KSR2: variants seen among roughly 807,000 people sequenced by gnomAD.
The protein encoded by KSR2 is kinase suppressor of ras 2.
A neutral mutation model predicts 107.8 loss-of-function variants in KSR2; 25 were observed. The ratio of observed to expected loss-of-function variants is 0.23; its 90% CI spans 0.17 to 0.32. The LOEUF (loss-of-function observed/expected upper bound fraction) is 0.32, where lower values mean the gene tolerates loss of function less well. KSR2 is among the 10% of genes least tolerant of loss of function. The pLI is 1.00. For missense variants in KSR2, 887 were observed against 1,268.9 expected, an observed-to-expected ratio of 0.70 and a Z score of 4.57; for synonymous variants, 480 against 507.0, an observed-to-expected ratio of 0.95 and a Z score of 0.71.
intron 1 of KSR2, among the ~76,000 whole-genome samples, chr12:117,932,750 C>T (rs573563281): frequency 2.6e-5 from 4 of 151,864 alleles, no homozygotes; most frequent in South Asian, 4.2e-4. Flanking sequence ...CAGTGGCTCA[C>T]GCCCATAATC....
chr12:117,528,980 T>C (rs1161038053), intron 12 of KSR2, among the ~76,000 whole-genome samples: 2 of 152,206 alleles, frequency 1.3e-5, no homozygotes, highest in East Asian at 1.9e-4. Context: ...AGCAGAGAAA[T>C]GATCTCGAGC....
intron 14 of KSR2, among the ~76,000 whole-genome samples, chr12:117,503,767 G>T (rs892286708): frequency 1.3e-5 from 2 of 152,180 alleles, no homozygotes; most frequent in African/African-American, 4.8e-5. Flanking sequence ...TGACAATTAT[G>T]GTTGATTGAT....
intron 5 of KSR2, among the ~76,000 whole-genome samples, chr12:117,597,696 G>C (rs1055918195): frequency 2.6e-5 from 4 of 152,194 alleles, no homozygotes; most frequent in Non-Finnish European, 5.9e-5. Context: ...CTGATTTTAT[G>C]ATAATTTGTG....
chr12:117,645,489 G>C (rs1883574369), intron 5 of KSR2, among the ~76,000 whole-genome samples: 1 of 152,214 alleles, frequency 6.6e-6, no homozygotes, highest in Admixed American at 6.5e-5. Flanking sequence ...AGGGAAAGAA[G>C]TTAGCTAAGT....
At chr12:117,537,340 T>G (rs2137275790) in intron 10 of KSR2, among the ~76,000 whole-genome samples, 1 of 152,344 alleles carries the variant, frequency 6.6e-6, no homozygotes, top group African/African-American at 2.4e-5. Flanking sequence ...CAATTCTGTC[T>G]AGGTCCTCAT....
intron 1 of KSR2, among the ~76,000 whole-genome samples, chr12:117,881,837 T>G (rs144487252): frequency 6.6e-6 from 1 of 152,284 alleles, no homozygotes; most frequent in Non-Finnish European, 1.5e-5. Flanking sequence ...CAGGGTCTGT[T>G]AGTGACTCAA....
At chr12:117,916,031 C>T (rs1895160359) in intron 1 of KSR2, among the ~76,000 whole-genome samples, 1 of 151,930 alleles carries the variant, frequency 6.6e-6, no homozygotes, top group African/African-American at 2.4e-5. Context: ...CATTCATGCT[C>T]CTCAAACTAG....
chr12:117,464,490 T>G lies in KSR2; in HGVS notation c.*2709A>C, dbSNP rs2137101625. 1.3e-5 allele frequency: 2 copies of G among 152,306 alleles called. No individual in the cohort carries two copies. The highest frequency in any genetic ancestry group is 4.1e-4 in the South Asian group (2 of 4,824). 9.4% of individuals were successfully genotyped at this position (152,306 alleles called of 1,614,324 possible). A position where few individuals can be genotyped will look rare whatever the true frequency, so the allele number is the denominator to read the frequency against. On this transcript the variant is annotated 3_prime_UTR_variant, in exon 20 of 20. Coordinates refer to ENST00000339824, the MANE Select transcript of KSR2 (RefSeq NM_173598.6). ...AATATACAGCCTCTTTCCTCTTTTT[T>G]TTTCCTCCCTGCGTAAGATGAATAT...
intron 1 of KSR2, among the ~76,000 whole-genome samples, chr12:117,964,137 G>A (rs1021086776): frequency 1.3e-5 from 2 of 152,186 alleles, no homozygotes; most frequent in Non-Finnish European, 2.9e-5. Context: ...AATTACCAGG[G>A]CATGGTGGCG....
chr12:117,919,655 A>G (rs1356650009), intron 1 of KSR2, among the ~76,000 whole-genome samples: 2 of 152,244 alleles, frequency 1.3e-5, no homozygotes, highest in African/African-American at 4.8e-5. Flanking sequence ...CTTTAGTGTA[A>G]GGCATGGTCA....
chr12:117,904,898 C>G (rs1894792295), intron 1 of KSR2, among the ~76,000 whole-genome samples: 1 of 152,144 alleles, frequency 6.6e-6, no homozygotes, highest in Non-Finnish European at 1.5e-5. Flanking sequence ...AATGTGTATT[C>G]TGGCCGGGCA....
intron 12 of KSR2, among the ~76,000 whole-genome samples, 185 bp from the exon 13 acceptor site, chr12:117,527,304 C>CAG (rs1474205074): frequency 4.0e-5 from 5 of 124,444 alleles, no homozygotes; most frequent in African/African-American, 1.8e-4. Context: ...CACACACAGA[C>CAG]ACACACACAC....
chr12:117,813,712 T>C (rs570316943), intron 3 of KSR2, among the ~76,000 whole-genome samples: 1 of 152,296 alleles, frequency 6.6e-6, no homozygotes, highest in African/African-American at 2.4e-5. Context: ...GAAAACAGTA[T>C]GGAAGTTCTT....
At chr12:117,551,972 G>A (rs1478849712) in intron 9 of KSR2, among the ~76,000 whole-genome samples, 5 of 152,158 alleles carry the variant, frequency 3.3e-5, no homozygotes, top group Non-Finnish European at 7.3e-5. Flanking sequence ...AGGTCTCAAG[G>A]TGGTTCTGAG....
chr12:117,469,600 A>G, intron 19 of KSR2, 62 bp downstream of exon 19: 1 of 1,578,942 alleles, frequency 6.3e-7, no homozygotes, highest in South Asian at 1.2e-5. Context: ...AGAGGGGATC[A>G]AAAAGGTGAC....
chr12:117,852,396 C>G (rs1892959145), intron 3 of KSR2, among the ~76,000 whole-genome samples: 1 of 151,928 alleles, frequency 6.6e-6, no homozygotes, highest in South Asian at 2.1e-4. Context: ...CCACTGCACT[C>G]CAGCCTGGGT....
chr12:117,726,109 C>T (rs952930994), intron 4 of KSR2, among the ~76,000 whole-genome samples: 4 of 151,644 alleles, frequency 2.6e-5, no homozygotes, highest in Admixed American at 1.3e-4. Flanking sequence ...TGGAGGTTGC[C>T]GTGAGCCCAG....
chr12:117,886,388 CAT>C (rs1894179668), intron 1 of KSR2, among the ~76,000 whole-genome samples: 1 of 151,836 alleles, frequency 6.6e-6, no homozygotes. Flanking sequence ...AGTGACAAAT[CAT>C]ATATATGATA....
chr12:117,954,633 C>G (rs1314094853), intron 1 of KSR2, among the ~76,000 whole-genome samples: 1 of 152,220 alleles, frequency 6.6e-6, no homozygotes, highest in Non-Finnish European at 1.5e-5. Context: ...CAGTGCAGAG[C>G]TCAGCACCAC....
Sources: allele counts gnomAD v4.1 joint callset (sites outside exome capture counted in the v4.1 genomes callset), GRCh38; gene constraint gnomAD v4.1.1; transcripts MANE v1.5; gene names NCBI Gene and HGNC (gene_info 2026-07-23, HGNC 2026-07-21).